MALRD1: variants seen among roughly 807,000 people sequenced by gnomAD.
The protein encoded by MALRD1 is MAM and LDL-receptor class A domain-containing protein 1.
In MALRD1, 247 loss-of-function variants were observed where a neutral mutation model predicts 242.1. The observed-to-expected ratio is 1.02, with a 90% CI of 0.92 to 1.13. The LOEUF (loss-of-function observed/expected upper bound fraction) is 1.13. Ranked by LOEUF, MALRD1 falls within the 50% of genes most tolerant of loss-of-function variation. MALRD1 has a pLI of 0.00. For synonymous variants in MALRD1, 995 were observed against 866.6 expected, an observed-to-expected ratio of 1.15 and a Z score of -2.60; for missense variants, 2,989 against 2,533.1, an observed-to-expected ratio of 1.18 and a Z score of -3.86.
intron 33 of MALRD1, among the ~76,000 whole-genome samples, chr10:19,568,201 T>C (rs1321243512): frequency 2.0e-5 from 3 of 152,198 alleles, no homozygotes; most frequent in Admixed American, 6.5e-5. Flanking sequence ...GTCACCCCTT[T>C]AACTGAAATC....
intron 18 of MALRD1, among the ~76,000 whole-genome samples, chr10:19,242,911 C>G (rs563382626): frequency 6.6e-5 from 10 of 152,072 alleles, no homozygotes; most frequent in African/African-American, 2.4e-4. Context: ...AGAGTTTAAT[C>G]CACTTCTATT....
chr10:19,412,720 G>A (rs1833327093), intron 28 of MALRD1, among the ~76,000 whole-genome samples: 1 of 152,128 alleles, frequency 6.6e-6, no homozygotes, highest in Non-Finnish European at 1.5e-5. Flanking sequence ...AAGCCACCAG[G>A]AGGCAGAGTC....
At chr10:19,160,851 CT>C (rs1217892990) in intron 12 of MALRD1, among the ~76,000 whole-genome samples, 3 of 129,876 alleles carry the variant, frequency 2.3e-5, no homozygotes, top group Non-Finnish European at 3.3e-5. Context: ...ATTCTTCTCT[CT>C]TTTTTTCTTT....
intron 8 of MALRD1, among the ~76,000 whole-genome samples, chr10:19,130,217 A>G (rs909660967): frequency 2.6e-5 from 4 of 152,044 alleles, no homozygotes; most frequent in Admixed American, 6.6e-5. Flanking sequence ...AACTGTCCAG[A>G]TACGTGGGAT....
At chr10:19,705,884 C>A (rs1833844037) in intron 38 of MALRD1, among the ~76,000 whole-genome samples, 1 of 150,538 alleles carries the variant, frequency 6.6e-6, no homozygotes, top group South Asian at 2.1e-4. Context: ...TTATTCCACC[C>A]AGAAAACATT....
chr10:19,664,222 A>G (rs1374901709), intron 36 of MALRD1, among the ~76,000 whole-genome samples: 1 of 152,120 alleles, frequency 6.6e-6, no homozygotes, highest in Non-Finnish European at 1.5e-5. Flanking sequence ...ATAAAATAAA[A>G]TAAAGAAACA....
At chr10:19,368,997 CAG>C (rs1012541379) in intron 26 of MALRD1, among the ~76,000 whole-genome samples, 8 of 147,424 alleles carry the variant, frequency 5.4e-5, no homozygotes, top group African/African-American at 2.0e-4. Context: ...GTATATATAA[CAG>C]ATATCTGTAA....
chr10:19,469,543 A>G (rs1429993840), intron 29 of MALRD1, among the ~76,000 whole-genome samples: 1 of 152,124 alleles, frequency 6.6e-6, no homozygotes, highest in Non-Finnish European at 1.5e-5. Flanking sequence ...CAATTACTTT[A>G]TGTAATCATG....
At chr10:19,686,478 C>G (rs1178095796) in intron 36 of MALRD1, among the ~76,000 whole-genome samples, 1 of 152,178 alleles carries the variant, frequency 6.6e-6, no homozygotes, top group African/African-American at 2.4e-5. Flanking sequence ...CGTTTTGCTT[C>G]TTAGTGTGCA....
chr10:19,715,751 A>T (rs1232301740), intron 38 of MALRD1, among the ~76,000 whole-genome samples: 1 of 152,202 alleles, frequency 6.6e-6, no homozygotes. Context: ...GGCCTCAGGC[A>T]ACTTACAATC....
At chr10:19,356,417 G>A (rs1317886300) in intron 26 of MALRD1, among the ~76,000 whole-genome samples, 1 of 152,062 alleles carries the variant, frequency 6.6e-6, no homozygotes, top group Non-Finnish European at 1.5e-5. Context: ...GTCACAATGT[G>A]TAAGCCACAT....
chr10:19,641,746 T>C (rs548265952), intron 36 of MALRD1, among the ~76,000 whole-genome samples: 34 of 152,286 alleles, frequency 2.2e-4, no homozygotes, highest in Admixed American at 2.1e-3. Flanking sequence ...ATTAGTTGAT[T>C]TTTCATGGCT....
At chr10:19,274,506 A>G (rs992940170) in intron 19 of MALRD1, among the ~76,000 whole-genome samples, 3 of 152,276 alleles carry the variant, frequency 2.0e-5, no homozygotes, top group Admixed American at 1.3e-4. Flanking sequence ...ATTCTCTACC[A>G]TGTGAGGATA....
intron 24 of MALRD1, among the ~76,000 whole-genome samples, chr10:19,337,047 T>A (rs1237200152): frequency 1.3e-5 from 2 of 152,128 alleles, no homozygotes; most frequent in Non-Finnish European, 2.9e-5. Flanking sequence ...TGTGTGTATA[T>A]GTATTACACA....
chr10:19,171,016 G>A (rs1834898299), intron 13 of MALRD1, among the ~76,000 whole-genome samples: 1 of 151,518 alleles, frequency 6.6e-6, no homozygotes, highest in Non-Finnish European at 1.5e-5. Flanking sequence ...TTCATTTTTT[G>A]CTCCCGTTAT....
At chr10:19,619,934 T>C (rs1839328461) in intron 36 of MALRD1, among the ~76,000 whole-genome samples, 1 of 151,896 alleles carries the variant, frequency 6.6e-6, no homozygotes, top group Non-Finnish European at 1.5e-5. Flanking sequence ...GGAGGATTGA[T>C]TGAGCCTGGG....
intron 31 of MALRD1, among the ~76,000 whole-genome samples, chr10:19,502,012 C>CAAAAAAA (rs1181159875): frequency 7.4e-5 from 3 of 40,372 alleles, no homozygotes; most frequent in East Asian, 6.2e-4. Flanking sequence ...GATTCTGTCT[C>CAAAAAAA]AAAAAAAAAA....
chr10:19,467,212 G>A lies in MALRD1; in HGVS notation c.5029+16722G>A, dbSNP rs571860900. On this transcript the variant is annotated intron_variant, in intron 29 of 39. Coordinates refer to ENST00000454679, the MANE Select transcript of MALRD1 (RefSeq NM_001142308.3). Reference sequence around the variant, plus strand: ...TACTAAAAATACAAAAAAATTAGCCGGGTGTGGTGGTGGGCGCCTGTAGTC... The same window carrying A: ...TACTAAAAATACAAAAAAATTAGCCAGGTGTGGTGGTGGGCGCCTGTAGTC... Among the ~76,000 whole-genome samples the A allele has an allele frequency of 2.3e-3, 177 of 78,406 alleles. 1 individual carries two copies. The highest frequency in any genetic ancestry group is 7.0e-3 in the African/African-American group (167 of 24,012). The allele number at this position is 78,406 out of a possible 152,430, so 51.4% of individuals were successfully genotyped here.
intron 1 of MALRD1, chr10:19,052,143 C>G (rs1357911064): frequency 1.1e-5 from 5 of 444,666 alleles, no homozygotes; most frequent in Admixed American, 5.2e-5. Flanking sequence ...CTTGCAAGAG[C>G]TTTGGTGCCT....
Sources: gnomAD v4.1 joint callset for allele counts (sites outside exome capture counted in the v4.1 genomes callset) on GRCh38, gnomAD v4.1.1 for gene constraint, MANE v1.5 for transcripts, NCBI Gene and HGNC (gene_info 2026-07-23, HGNC 2026-07-21) for gene names.